The following PCCA variants were observed in gnomAD, a reference collection of about 807,000 sequenced individuals.
The protein encoded by PCCA is propionyl-CoA carboxylase alpha chain, mitochondrial.
PCCA carries 74 observed loss-of-function variants against 101.3 expected under a neutral mutation model. The ratio of observed to expected loss-of-function variants is 0.73; its 90% confidence interval spans 0.61 to 0.89. The LOEUF (loss-of-function observed/expected upper bound fraction) is 0.89. Among genes scored for constraint, PCCA ranks in the 40% least tolerant of loss-of-function variants. PCCA has a pLI of 0.00. For synonymous variants in PCCA, 294 were observed against 313.6 expected (o/e 0.94, Z 0.66); for missense variants, 891 against 907.0 (o/e 0.98, Z 0.23).
At chr13:100,352,359 G>A (rs1047454606) in intron 18 of PCCA, among the ~76,000 whole-genome samples, 2 of 150,562 alleles carry the variant, frequency 1.3e-5, no homozygotes, top group African/African-American at 4.9e-5. Flanking sequence ...ATTATTATCA[G>A]TATTTTATTA....
At chr13:100,259,452 A>C (rs900983026) in intron 9 of PCCA, among the ~76,000 whole-genome samples, 1 of 147,874 alleles carries the variant, frequency 6.8e-6, no homozygotes, top group Non-Finnish European at 1.5e-5. Context: ...CTCCTGCCTC[A>C]GCCTCCCGAG....
intron 21 of PCCA, among the ~76,000 whole-genome samples, chr13:100,471,820 G>A (rs995780579): frequency 2.6e-5 from 4 of 152,228 alleles, no homozygotes; most frequent in Non-Finnish European, 5.9e-5. Flanking sequence ...CCCAATGGCG[G>A]TGCTTCTCGT....
At chr13:100,450,772 A>G (rs2081167560) in intron 21 of PCCA, among the ~76,000 whole-genome samples, 1 of 152,230 alleles carries the variant, frequency 6.6e-6, no homozygotes, top group African/African-American at 2.4e-5. Context: ...TACTTGGTCA[A>G]TGTAACCTAA....
chr13:100,471,314 C>T (rs2082992008), intron 21 of PCCA, among the ~76,000 whole-genome samples: 1 of 152,114 alleles, frequency 6.6e-6, no homozygotes, highest in Non-Finnish European at 1.5e-5. Flanking sequence ...ATGGTAACAT[C>T]AAAGATCAGC....
chr13:100,220,491 G>A (rs546573722), intron 7 of PCCA, among the ~76,000 whole-genome samples: 2 of 143,572 alleles, frequency 1.4e-5, no homozygotes, highest in Non-Finnish European at 3.0e-5. Context: ...GCCGGGTCTT[G>A]AACTCCTTAC....
At chr13:100,119,635 G>A (rs1388942714) in intron 4 of PCCA, among the ~76,000 whole-genome samples, 1 of 152,010 alleles carries the variant, frequency 6.6e-6, no homozygotes, top group Non-Finnish European at 1.5e-5. Flanking sequence ...TACGAGCATA[G>A]GGTTTATCCT....
At chr13:100,507,169 C>G (rs1315437726) in intron 21 of PCCA, among the ~76,000 whole-genome samples, 1 of 152,142 alleles carries the variant, frequency 6.6e-6, no homozygotes, top group African/African-American at 2.4e-5. Flanking sequence ...GACTCCTGAT[C>G]AAACAGAATG....
chr13:100,142,018 T>C (rs543400861), intron 4 of PCCA, among the ~76,000 whole-genome samples: 1 of 152,340 alleles, frequency 6.6e-6, no homozygotes, highest in East Asian at 1.9e-4. Flanking sequence ...CTTTGAGTGT[T>C]GGCAATAATA....
intron 1 of PCCA, among the ~76,000 whole-genome samples, chr13:100,100,234 A>G (rs1213501484): frequency 1.3e-5 from 2 of 152,202 alleles, no homozygotes; most frequent in African/African-American, 2.4e-5. Context: ...CTGAGGGTCA[A>G]TGCCACTTCC....
chr13:100,300,335 A>G (rs749236228), intron 12 of PCCA, among the ~76,000 whole-genome samples: 4 of 152,052 alleles, frequency 2.6e-5, no homozygotes, highest in Non-Finnish European at 4.4e-5. Flanking sequence ...CCATCTGTTT[A>G]TTTTTACAAA....
At chr13:100,389,660 A>T (rs950424469) in intron 19 of PCCA, among the ~76,000 whole-genome samples, 2 of 152,244 alleles carry the variant, frequency 1.3e-5, no homozygotes, top group African/African-American at 4.8e-5. Flanking sequence ...CACACCAAAA[A>T]AAAGCAGAAA....
intron 21 of PCCA, among the ~76,000 whole-genome samples, chr13:100,509,218 G>T (rs1217619203): frequency 2.6e-5 from 4 of 152,210 alleles, no homozygotes; most frequent in African/African-American, 4.8e-5. Context: ...TTACCGTGAC[G>T]CTGAGAACTG....
chr13:100,504,865 G>A (rs772773767), intron 21 of PCCA, among the ~76,000 whole-genome samples: 27 of 152,152 alleles, frequency 1.8e-4, no homozygotes, highest in Non-Finnish European at 2.8e-4. Flanking sequence ...CCTGGGAGGC[G>A]GAGGCTGCAG....
intron 18 of PCCA, among the ~76,000 whole-genome samples, chr13:100,366,231 G>A (rs999656436): frequency 6.6e-6 from 1 of 152,170 alleles, no homozygotes; most frequent in African/African-American, 2.4e-5. Context: ...CCCATTCGAA[G>A]TGAGCAAAAT....
At position 100,275,475 on chromosome 13, in the gene PCCA, A is replaced by C. The variant is rs199963207; in HGVS notation, c.1065+2129A>C. Among the ~76,000 whole-genome samples, 174 of 152,134 alleles carry C rather than the reference A, an allele frequency of 1.1e-3. 1 individual carries two copies. The highest frequency in any genetic ancestry group is 3.5e-3 in the African/African-American group (145 of 41,506). On this transcript the variant is annotated intron_variant, in intron 12 of 23. Transcript: ENST00000376285. ...TCTTTTGCGTGCTATGGCTTTCTTC[A>C]TGCTTTTACTCTCGACCTACCTGTT...
intron 18 of PCCA, among the ~76,000 whole-genome samples, chr13:100,348,981 C>T (rs546329737): frequency 1.0e-5 from 1 of 95,666 alleles, no homozygotes; most frequent in Admixed American, 1.2e-4. Flanking sequence ...CTTGCTCTCT[C>T]ATCCGGGCTG....
chr13:100,139,751 A>G (rs1183628612), intron 4 of PCCA, among the ~76,000 whole-genome samples: 1 of 152,068 alleles, frequency 6.6e-6, no homozygotes, highest in Admixed American at 6.6e-5. Flanking sequence ...CCTTCCCTGT[A>G]AGAGATTTAC....
Position 100,503,121 on chromosome 13 carries a change from G to A in PCCA, c.1900-12306G>A, listed in dbSNP as rs985418367. ...TCTGGAGTTGTCCTGGGCAGAGGCT[G>A]CCTGTTGACAGAGGCTCAGCACAGC... is the stretch of plus-strand genomic sequence containing the variant. On this transcript the variant is annotated intron_variant, in intron 21 of 23. Coordinates refer to ENST00000376285, the MANE Select transcript of PCCA (RefSeq NM_000282.4). 2.0e-5 allele frequency among the ~76,000 whole-genome samples: 3 copies of A among 152,224 alleles called. No homozygotes were observed. The East Asian group carries it at 5.8e-4, about 29-fold the overall frequency.
intron 22 of PCCA, among the ~76,000 whole-genome samples, chr13:100,518,267 T>A (rs2086981922): frequency 6.6e-6 from 1 of 152,210 alleles, no homozygotes; most frequent in Non-Finnish European, 1.5e-5. Flanking sequence ...TGGCAATAAG[T>A]TCTAAAAAAA....
Sources: gnomAD v4.1 joint callset for allele counts (sites outside exome capture counted in the v4.1 genomes callset) on GRCh38, gnomAD v4.1.1 for gene constraint, MANE v1.5 for transcripts, NCBI Gene and HGNC (gene_info 2026-07-23, HGNC 2026-07-21) for gene names.